Variants in PRKAR1A observed in about 807,000 individuals in gnomAD.
The protein encoded by PRKAR1A is protein kinase cAMP-dependent type I regulatory subunit alpha, also known as cAMP-dependent protein kinase type I-alpha regulatory subunit.
A neutral mutation model predicts 52.0 loss-of-function variants in PRKAR1A; 3 were observed. The observed-to-expected ratio is 0.06, with a 90% CI of 0.03 to 0.15. PRKAR1A has a LOEUF of 0.15. Among genes scored for constraint, PRKAR1A ranks in the 10% least tolerant of loss-of-function variants. The pLI, the probability that PRKAR1A is intolerant of heterozygous loss-of-function variation, is 1.00. For synonymous variants in PRKAR1A, 188 were observed against 168.4 expected, an observed-to-expected ratio of 1.12 and a Z score of -0.90; for missense variants, 240 against 477.4, an observed-to-expected ratio of 0.50 and a Z score of 4.63.
chr17:68,511,667 G>A (rs1283104902), upstream of PRKAR1A: 7 of 184 alleles, frequency 0.038, no homozygotes, highest in East Asian at 0.38. Context: ...ACCCCCGGCG[G>A]GGGAGAGCGG....
intron 2 of PRKAR1A, 141 bp from the exon 3 acceptor site, chr17:68,522,614 TG>T (rs2085650922): frequency 1.1e-6 from 1 of 882,536 alleles, no homozygotes; most frequent in African/African-American, 1.7e-5. Flanking sequence ...TTTTCCCCTT[TG>T]GAATTGGTGT....
At chr17:68,520,477 A>T (rs1326123885) in intron 2 of PRKAR1A, among the ~76,000 whole-genome samples, 3 of 152,210 alleles carry the variant, frequency 2.0e-5, no homozygotes, top group African/African-American at 7.2e-5. Flanking sequence ...TTATTGATAT[A>T]TAACATTTGT....
At chr17:68,537,499 C>T (rs777997757), downstream of PRKAR1A, 3 of 1,614,000 alleles carry the variant, frequency 1.9e-6, no homozygotes, top group Admixed American at 3.3e-5. The surrounding 1 kb of genome is among the most constrained non-coding windows in gnomAD (Gnocchi z 4.2). Context: ...GTTAGCCTGG[C>T]CAGAGTCTGG....
Position 68,515,550 on chromosome 17 carries a change from A to C in PRKAR1A, c.151A>C (p.Arg51=). ...ARPERPMAFL[R]EYFERLEKEE... ...ACCTGAGAGACCCATGGCATTCCTC[A>C]GGGAATACTTTGAGAGGTTGGAGAA... is the stretch of plus-strand genomic sequence containing the variant. The change falls in exon 2 of 11, where the codon AGG becomes CGG. Residue 51 remains arginine (R), a synonymous_variant. Coordinates refer to ENST00000589228, the MANE Select transcript of PRKAR1A (RefSeq NM_002734.5). The C allele has an allele frequency of 1.2e-6, 2 of 1,612,748 alleles. No individual in the cohort carries two copies. The highest frequency in any genetic ancestry group is 2.2e-5 in the South Asian group (2 of 91,004).
the PRKAR1A span, chr17:68,434,477 C>T: frequency 6.8e-7 from 1 of 1,472,776 alleles, no homozygotes; most frequent in Admixed American, 1.9e-5. Context: ...CACTCTCTGT[C>T]CTCTCCCTAG....
rs1316118632 is a variant in PRKAR1A at position 68,533,431 on chromosome 17, A to G, written c.*2982A>G. The G allele has an allele frequency of 2.8e-5, 29 of 1,054,404 alleles. No homozygotes were observed. Among genetic ancestry groups the G allele is most frequent in the Non-Finnish European group, 3.3e-5 (29 of 872,188 alleles). 65.3% of individuals were successfully genotyped at this position (1,054,404 alleles called of 1,614,324 possible). ...TCACAATAAAATGTAACTAAAGAAA[A>G]TTTCTCTGGGTTGACAGTCCTGGTT... On this transcript the variant is annotated 3_prime_UTR_variant, in exon 11 of 11. Coordinates refer to ENST00000589228, the MANE Select transcript of PRKAR1A (RefSeq NM_002734.5).
rs778292216 is a variant in PRKAR1A, at chr17:68,542,167, TGGAGGATGG to T, written c.974-8910_974-8902del. On this transcript the variant is annotated intron_variant, in intron 11 of 11. Transcript: ENST00000585981. ...TGGCGAAGAAGCACACGTTGCTCGCTGGAGGATGGGGAGGAGAGAGGAGGAGTAAGTGGA... is the reference window on the plus strand; with the variant it reads ...TGGCGAAGAAGCACACGTTGCTCGCTGGAGGAGAGAGGAGGAGTAAGTGGA... The T allele has an allele frequency of 1.0e-4, 164 of 1,613,654 alleles. No homozygotes were observed. The highest frequency in any genetic ancestry group is 1.4e-4 in the Non-Finnish European group (164 of 1,179,982).
At chr17:68,482,735 T>A in the PRKAR1A span, among the ~76,000 whole-genome samples, 1 of 152,208 alleles carries the variant, frequency 6.6e-6, no homozygotes, top group Non-Finnish European at 1.5e-5. Flanking sequence ...TTGGCTCCCT[T>A]ATCTGTTTTT....
chr17:68,546,205 C>G (rs959222548), intron 11 of PRKAR1A, among the ~76,000 whole-genome samples: 1 of 144,150 alleles, frequency 6.9e-6, no homozygotes, highest in Non-Finnish European at 1.5e-5. Context: ...AGCAGCAACT[C>G]TATCTGTTCA....
At chr17:68,426,264 A>C in the PRKAR1A span, 1 of 1,022,612 alleles carries the variant, frequency 9.8e-7, no homozygotes. Flanking sequence ...GCTCAAATAA[A>C]GGGCAAAGGA....
chr17:68,466,257 T>C, the PRKAR1A span, among the ~76,000 whole-genome samples: 100 of 152,230 alleles, frequency 6.6e-4, no homozygotes, highest in African/African-American at 2.3e-3. Flanking sequence ...GCTTTGCCCA[T>C]AGGGATTTTT....
chr17:68,521,938 G>T (rs1260492197), intron 2 of PRKAR1A, among the ~76,000 whole-genome samples: 2 of 152,134 alleles, frequency 1.3e-5, no homozygotes, highest in Non-Finnish European at 2.9e-5. Flanking sequence ...GGCTCTAGAT[G>T]TGAAAAAAGG....
At chr17:68,549,585 C>T (rs939104049) in intron 11 of PRKAR1A, among the ~76,000 whole-genome samples, 2 of 151,464 alleles carry the variant, frequency 1.3e-5, no homozygotes, top group African/African-American at 2.4e-5. Context: ...ATTTGTGGTG[C>T]GTTTGCAGAT....
In PRKAR1A at chr17:68,550,369, C is replaced by CTTTTT. The variant is rs747654899; in HGVS notation, c.974-692_974-688dup. On this transcript the variant is annotated intron_variant, in intron 11 of 11. Coordinates refer to the PRKAR1A transcript ENST00000585981. The stretch of plus-strand genomic sequence containing the variant: ...CTTTCACATAGGAAAAATGGGGGAA[C>CTTTTT]TTTTTTTTTTTTTTTTTTTTTTTTT... 1.1e-3 allele frequency among the ~76,000 whole-genome samples: 87 copies of CTTTTT among 79,378 alleles called. 7 individuals are homozygous for CTTTTT. The highest frequency in any genetic ancestry group is 0.012 in the Middle Eastern group (1 of 84). The allele number at this position is 79,378 out of a possible 152,430, so 52.1% of individuals were successfully genotyped here.
At chr17:68,440,187 G>A in the PRKAR1A span, among the ~76,000 whole-genome samples, 7 of 152,132 alleles carry the variant, frequency 4.6e-5, no homozygotes, top group Non-Finnish European at 1.0e-4. Context: ...TCTGAATTTA[G>A]ACAAGGAATC....
intron 7 of PRKAR1A, among the ~76,000 whole-genome samples, chr17:68,526,349 C>T (rs959692189): frequency 3.3e-5 from 5 of 152,198 alleles, no homozygotes; most frequent in African/African-American, 1.2e-4. Flanking sequence ...TATGTCATGT[C>T]CCCTCTCGTT....
chr17:68,465,092 ATT>A, the PRKAR1A span, among the ~76,000 whole-genome samples: 90 of 148,330 alleles, frequency 6.1e-4, no homozygotes, highest in East Asian at 1.0e-3. Flanking sequence ...CGCCCGGCTA[ATT>A]TTTTTTTTTT....
At chr17:68,450,738 A>G in the PRKAR1A span, 1 of 1,610,334 alleles carries the variant, frequency 6.2e-7, no homozygotes, top group East Asian at 2.2e-5. Context: ...TTGCCGGTTC[A>G]GCCTTATGGA....
chr17:68,456,849 G>A, the PRKAR1A span, among the ~76,000 whole-genome samples: 4 of 152,228 alleles, frequency 2.6e-5, no homozygotes, highest in African/African-American at 9.6e-5. Context: ...CTTTGTCCGA[G>A]GCCCTGCCCA....
Sources: gnomAD v4.1 joint callset for allele counts (sites outside exome capture counted in the v4.1 genomes callset) on GRCh38, gnomAD v4.1.1 for gene constraint, Gnocchi (gnomAD v3.1) non-coding constraint, MANE v1.5 for transcripts, NCBI Gene and HGNC (gene_info 2026-07-23, HGNC 2026-07-21) for gene names.